Variants in TDRD3 observed in about 807,000 individuals in gnomAD.
TDRD3 encodes tudor domain containing 3.
A neutral mutation model predicts 86.7 loss-of-function variants in TDRD3; 45 were observed. The ratio of observed to expected loss-of-function variants is 0.52; its 90% CI spans 0.41 to 0.67. TDRD3 has a LOEUF of 0.67. TDRD3 is among the 30% of genes least tolerant of loss of function. The pLI, the probability that TDRD3 is intolerant of heterozygous loss-of-function variation, is 0.00. For missense variants in TDRD3, 814 were observed against 889.0 expected, an observed-to-expected ratio of 0.92 and a Z score of 1.07; for synonymous variants, 298 against 301.7, an observed-to-expected ratio of 0.99 and a Z score of 0.13.
chr13:60,399,490 T>C (rs1954036356), intron 1 of TDRD3, among the ~76,000 whole-genome samples: 1 of 152,216 alleles, frequency 6.6e-6, no homozygotes, highest in Non-Finnish European at 1.5e-5. Context: ...GAGGATCTCC[T>C]AGGCTTTCAG....
intron 12 of TDRD3, among the ~76,000 whole-genome samples, chr13:60,563,640 A>G (rs1050581455): frequency 1.3e-5 from 2 of 152,216 alleles, no homozygotes; most frequent in Non-Finnish European, 2.9e-5. Flanking sequence ...TGATGCCCCC[A>G]GCCGAGGCAG....
At chr13:60,523,705 T>C (rs566353098) in intron 10 of TDRD3, among the ~76,000 whole-genome samples, 5 of 150,490 alleles carry the variant, frequency 3.3e-5, no homozygotes, top group African/African-American at 9.7e-5. Context: ...GCCTCCTGAA[T>C]AGCTGGGACT....
chr13:60,446,867 A>G (rs117014169), intron 3 of TDRD3, among the ~76,000 whole-genome samples: 6,778 of 152,262 alleles, frequency 0.045, 206 homozygotes, highest in Non-Finnish European at 0.064. Flanking sequence ...GCATTTTACC[A>G]TTAATGATGA....
intron 12 of TDRD3, among the ~76,000 whole-genome samples, chr13:60,547,040 AT>A (rs1331941203): frequency 2.6e-5 from 4 of 152,222 alleles, no homozygotes; most frequent in South Asian, 2.1e-4. Context: ...TTGAAAAAAA[AT>A]AATTTCAAAG....
chr13:60,499,648 A>G (rs932590576), intron 8 of TDRD3, among the ~76,000 whole-genome samples: 1 of 152,228 alleles, frequency 6.6e-6, no homozygotes, highest in African/African-American at 2.4e-5. Flanking sequence ...AGATATTTGC[A>G]TGCCAGAGGA....
At chr13:60,435,966 G>A (rs1460168310) in intron 1 of TDRD3, among the ~76,000 whole-genome samples, 1 of 142,706 alleles carries the variant, frequency 7.0e-6, no homozygotes, top group Non-Finnish European at 1.6e-5. Context: ...GAGGAGTAAG[G>A]TGGTTTCTCA....
At chr13:60,546,532 C>T (rs1412175551) in intron 12 of TDRD3, among the ~76,000 whole-genome samples, 2 of 152,046 alleles carry the variant, frequency 1.3e-5, no homozygotes, top group African/African-American at 4.8e-5. Flanking sequence ...TGATGATACA[C>T]TTTCCTATTT....
intron 1 of TDRD3, among the ~76,000 whole-genome samples, chr13:60,426,292 G>A (rs1473351550): frequency 6.6e-6 from 1 of 152,146 alleles, no homozygotes; most frequent in African/African-American, 2.4e-5. Context: ...GAGGGCAGAG[G>A]AAATGGGGAG....
At chr13:60,466,464 A>G (rs1955931878) in intron 4 of TDRD3, among the ~76,000 whole-genome samples, 1 of 152,034 alleles carries the variant, frequency 6.6e-6, no homozygotes, top group Non-Finnish European at 1.5e-5. Flanking sequence ...AGTGAAGACT[A>G]AACCTCATTT....
intron 10 of TDRD3, among the ~76,000 whole-genome samples, chr13:60,527,827 AC>A (rs1957481043): frequency 8.2e-6 from 1 of 121,994 alleles, no homozygotes; most frequent in South Asian, 3.0e-4. Context: ...TCTATTTGTA[AC>A]ATAAACTCTT....
chr13:60,420,585 T>C (rs564240060), intron 1 of TDRD3, among the ~76,000 whole-genome samples: 80 of 152,260 alleles, frequency 5.3e-4, no homozygotes, highest in African/African-American at 1.9e-3. Context: ...GATATTCAGG[T>C]ATTTCAGTGA....
chr13:60,427,505 C>A (rs765793921), intron 1 of TDRD3, among the ~76,000 whole-genome samples: 1 of 151,978 alleles, frequency 6.6e-6, no homozygotes, highest in Non-Finnish European at 1.5e-5. Context: ...TGTTTGGAGT[C>A]GGCTTCGCAC....
chr13:60,551,175 T>C (rs1455422390), intron 12 of TDRD3, among the ~76,000 whole-genome samples: 1 of 152,184 alleles, frequency 6.6e-6, no homozygotes. Context: ...AGCCTCTGTA[T>C]CCACTGGGAT....
chr13:60,464,887 G>C (rs1955885035), intron 4 of TDRD3, among the ~76,000 whole-genome samples: 1 of 152,146 alleles, frequency 6.6e-6, no homozygotes. Context: ...GCATAATAGG[G>C]TGACTATAGT....
chr13:60,475,036 A>C (rs1956155212), intron 5 of TDRD3, among the ~76,000 whole-genome samples: 1 of 151,232 alleles, frequency 6.6e-6, no homozygotes, highest in Non-Finnish European at 1.5e-5. Flanking sequence ...ATCTTTTTTT[A>C]TGTAATGTAT....
At chr13:60,504,371 C>T (rs191470713) in intron 8 of TDRD3, among the ~76,000 whole-genome samples, 5 of 152,218 alleles carry the variant, frequency 3.3e-5, no homozygotes, top group Admixed American at 3.3e-4. Flanking sequence ...AGCCTAGGAC[C>T]CAGACAGAAG....
chr13:60,482,903 CAATT>C (rs975408301), intron 5 of TDRD3, among the ~76,000 whole-genome samples: 1 of 150,912 alleles, frequency 6.6e-6, no homozygotes, highest in African/African-American at 2.4e-5. Flanking sequence ...GTAGTGATAA[CAATT>C]AAAATGCACA....
intron 5 of TDRD3, among the ~76,000 whole-genome samples, chr13:60,474,377 C>A (rs140288108): frequency 5.3e-5 from 8 of 152,198 alleles, no homozygotes; most frequent in Non-Finnish European, 8.8e-5. Context: ...AGTGGCCCCC[C>A]CCGGGCCCAG....
chr13:60,509,478 A>G (rs925530162), intron 8 of TDRD3: 29 of 278,806 alleles, frequency 1.0e-4, no homozygotes, highest in African/African-American at 2.9e-4. Flanking sequence ...CACTGTCTAT[A>G]TTATTTTCAA....
Sources: gnomAD v4.1 joint callset for allele counts (sites outside exome capture counted in the v4.1 genomes callset) on GRCh38, gnomAD v4.1.1 for gene constraint, MANE v1.5 for transcripts, NCBI Gene and HGNC (gene_info 2026-07-23, HGNC 2026-07-21) for gene names.